EPC2: variants seen among roughly 807,000 people sequenced by gnomAD.
The protein encoded by EPC2 is enhancer of polycomb 2.
In EPC2, 14 loss-of-function variants were observed where a neutral mutation model predicts 92.1. The observed-to-expected ratio is 0.15, with a 90% confidence interval of 0.10 to 0.24. EPC2 has a LOEUF of 0.24. EPC2 is among the 10% of genes least tolerant of loss of function. The pLI is 1.00. For synonymous variants in EPC2, 340 were observed against 334.7 expected (o/e 1.02, Z -0.17); for missense variants, 755 against 971.5 (o/e 0.78, Z 2.96).
rs1247263376 is a variant in EPC2 at position 148,781,558 on chromosome 2, G to A, written c.1721-86G>A. 7.4e-6 allele frequency: 9 copies of A among 1,223,960 alleles called. No individual in the cohort carries two copies. The African/African-American group carries it at 1.4e-4, about 19-fold the overall frequency. The allele number at this position is 1,223,960 out of a possible 1,614,324, so 75.8% of individuals were successfully genotyped here. On this transcript the variant is annotated intron_variant, in intron 10 of 13. Transcript: ENST00000258484. ...ATTTGTAATTGCTTTCATCTTAATT[G>A]TGGAATAAGTTTATATCATATTCTG...
chr2:148,750,099 G>C (rs907528603), intron 3 of EPC2, among the ~76,000 whole-genome samples: 2 of 152,016 alleles, frequency 1.3e-5, no homozygotes, highest in Admixed American at 6.6e-5. Context: ...GAATTGAAGA[G>C]ATCTTTTTTT....
intron 1 of EPC2, among the ~76,000 whole-genome samples, chr2:148,650,556 T>A (rs1033561761): frequency 6.6e-6 from 1 of 152,162 alleles, no homozygotes; most frequent in Non-Finnish European, 1.5e-5. Context: ...ATCATGTGAT[T>A]CACCTTATTT....
chr2:148,675,361 G>A (rs1004839607), intron 1 of EPC2, among the ~76,000 whole-genome samples: 1 of 152,092 alleles, frequency 6.6e-6, no homozygotes, highest in African/African-American at 2.4e-5. Flanking sequence ...TAGGTTTGGA[G>A]CATTTTTCTT....
rs865841831 is a variant in EPC2 at position 148,742,298 on chromosome 2, C to T, written c.314-1324C>T. Among the ~76,000 whole-genome samples, 7 of 152,246 alleles carry T rather than the reference C, an allele frequency of 4.6e-5. No homozygotes were observed. The South Asian group carries it at 6.2e-4, about 14-fold the overall frequency. On this transcript the variant is annotated intron_variant, in intron 2 of 13. Transcript: ENST00000258484. ...GAAACTAAATACCAGTTTATAATTG[C>T]CTACACACATGGTTTGAAAGGGCTT... is the stretch of plus-strand genomic sequence containing the variant.
chr2:148,771,392 G>C lies in EPC2; in HGVS notation c.1720+5G>C. The C allele has an allele frequency of 6.4e-7, 1 of 1,574,154 alleles. No homozygotes were observed. Among genetic ancestry groups the C allele is most frequent in the Admixed American group, 1.9e-5 (1 of 51,924 alleles). On this transcript the variant is annotated splice_donor_5th_base_variant and intron_variant, in intron 10 of 13. Coordinates refer to ENST00000258484, the MANE Select transcript of EPC2 (RefSeq NM_015630.4). Reference sequence around the variant, plus strand: ...CCAGCAAGAATGGCATATCAGGTAAGCTGTTGCTGTGTTAAAAGTATATCC... The same window carrying C: ...CCAGCAAGAATGGCATATCAGGTAACCTGTTGCTGTGTTAAAAGTATATCC...
chr2:148,783,603 A>C lies in EPC2; in HGVS notation c.1864A>C (p.Ser622Arg). The change falls in exon 12 of 14, where the codon AGC (serine) becomes CGC (arginine). Residue 622 changes from serine to arginine, a missense_variant. Coordinates refer to ENST00000258484, the MANE Select transcript of EPC2 (RefSeq NM_015630.4). ...QQTHPKAQGS[S>R]TSDCMSKTLD... ...AACTTTGTTCATTTTATAGGGCTCA[A>C]GCACCTCTGACTGTATGTCTAAAAC... 1.2e-6 allele frequency: 2 copies of C among 1,605,612 alleles called. No individual in the cohort carries two copies. Among genetic ancestry groups the C allele is most frequent in the Non-Finnish European group, 8.5e-7 (1 of 1,175,612 alleles).
intron 7 of EPC2, 96 bp downstream of exon 7, chr2:148,765,242 T>C: frequency 1.2e-6 from 1 of 868,874 alleles, no homozygotes; most frequent in Non-Finnish European, 1.7e-6. Flanking sequence ...TTATTCTTGC[T>C]TTGTTCCCCT....
chr2:148,645,482 C>G (rs1175097345), intron 1 of EPC2: 2 of 324,408 alleles, frequency 6.2e-6, no homozygotes, highest in Non-Finnish European at 1.2e-5. Context: ...GGCGTACGGT[C>G]TCTGTTTACC....
intron 13 of EPC2, among the ~76,000 whole-genome samples, chr2:148,785,977 T>C (rs73005698): frequency 0.017 from 2,611 of 152,008 alleles, 73 homozygotes; most frequent in African/African-American, 0.059. Context: ...ATATGCTTCA[T>C]CTCTCGAGAA....
intron 2 of EPC2, among the ~76,000 whole-genome samples, chr2:148,702,816 C>T (rs1011646329): frequency 6.7e-5 from 10 of 149,398 alleles, no homozygotes; most frequent in African/African-American, 2.4e-4. Flanking sequence ...TCTTAAAACA[C>T]TATGAGATTT....
chr2:148,656,428 C>G (rs1680800408), intron 1 of EPC2, among the ~76,000 whole-genome samples: 1 of 152,112 alleles, frequency 6.6e-6, no homozygotes, highest in South Asian at 2.1e-4. Flanking sequence ...AGTGTTTTTA[C>G]TGTAATATTT....
intron 1 of EPC2, among the ~76,000 whole-genome samples, chr2:148,672,403 C>A (rs760485847): frequency 6.6e-6 from 1 of 152,114 alleles, no homozygotes; most frequent in Non-Finnish European, 1.5e-5. Flanking sequence ...TCACGCCATT[C>A]ATCTACTCTA....
chr2:148,683,958 G>A (rs541203191), intron 1 of EPC2, among the ~76,000 whole-genome samples: 2 of 152,276 alleles, frequency 1.3e-5, no homozygotes, highest in East Asian at 3.9e-4. Flanking sequence ...CATAGAGGTT[G>A]TACTAGTTTA....
At position 148,784,483 on chromosome 2, in the gene EPC2, G is replaced by A. The variant is rs893244742; in HGVS notation, c.2018-185G>A. Among the ~76,000 whole-genome samples, 6 of 152,312 alleles carry A rather than the reference G, an allele frequency of 3.9e-5. No homozygotes were observed. The South Asian group carries it at 1.2e-3, about 32-fold the overall frequency. On this transcript the variant is annotated intron_variant, in intron 12 of 13. Coordinates refer to ENST00000258484, the MANE Select transcript of EPC2 (RefSeq NM_015630.4). ...TAGACCAGTAGAAAGAGGGTGTTTT[G>A]GGGGTTGTAGCAGATTAGTACATTC...
At chr2:148,775,985 G>A (rs1455656860) in intron 10 of EPC2, among the ~76,000 whole-genome samples, 3 of 151,772 alleles carry the variant, frequency 2.0e-5, no homozygotes, top group African/African-American at 4.8e-5. Context: ...GTTTCACTGT[G>A]TTAGCCAGGA....
intron 1 of EPC2, among the ~76,000 whole-genome samples, chr2:148,652,605 C>G (rs1298076799): frequency 6.6e-6 from 1 of 152,136 alleles, no homozygotes; most frequent in Non-Finnish European, 1.5e-5. Flanking sequence ...CTAAAAATTA[C>G]TTGAACCTCT....
At chr2:148,687,358 C>G (rs1219132957) in intron 1 of EPC2, among the ~76,000 whole-genome samples, 6 of 152,194 alleles carry the variant, frequency 3.9e-5, no homozygotes, top group Non-Finnish European at 2.9e-5. Context: ...TCTGTCTCAC[C>G]AATAAGGCTG....
chr2:148,699,888 G>C (rs1018271448), intron 2 of EPC2, among the ~76,000 whole-genome samples: 1 of 152,120 alleles, frequency 6.6e-6, no homozygotes, highest in South Asian at 2.1e-4. Flanking sequence ...CCTTATCATC[G>C]TTTGGTTTTG....
intron 10 of EPC2, among the ~76,000 whole-genome samples, chr2:148,775,701 TATCTTTATTAAATAA>T (rs1683624120): frequency 4.3e-5 from 6 of 138,182 alleles, no homozygotes; most frequent in South Asian, 2.2e-4. Flanking sequence ...TAAAATTAAA[TATCTTTATTAAATAA>T]AAAATTAAAT....
Sources: gnomAD v4.1 joint callset for allele counts (sites outside exome capture counted in the v4.1 genomes callset) on GRCh38, gnomAD v4.1.1 for gene constraint, MANE v1.5 for transcripts, NCBI Gene and HGNC (gene_info 2026-07-23, HGNC 2026-07-21) for gene names.